PTPRD: variants seen among roughly 807,000 people sequenced by gnomAD.
PTPRD encodes the protein receptor-type tyrosine-protein phosphatase delta.
Under a neutral mutation model 214.5 loss-of-function variants are expected in PTPRD, and 34 were observed. That is an observed-to-expected ratio of 0.16 (90% CI 0.12 to 0.21). PTPRD has a LOEUF of 0.21. PTPRD is among the 10% of genes least tolerant of loss of function. PTPRD has a pLI of 1.00. For missense variants in PTPRD, 2,545 were observed against 2,398.7 expected (o/e 1.06, Z -1.27); for synonymous variants, 1,128 against 845.7 (o/e 1.33, Z -5.79).
At chr9:10,146,147 A>G (rs2099020826) in intron 3 of PTPRD, among the ~76,000 whole-genome samples, 1 of 88,920 alleles carries the variant, frequency 1.1e-5, no homozygotes, top group Non-Finnish European at 2.6e-5. Flanking sequence ...AAGTGAAATC[A>G]TCCATATATA....
intron 7 of PTPRD, among the ~76,000 whole-genome samples, chr9:9,677,598 C>G (rs1594973948): frequency 6.6e-6 from 1 of 152,006 alleles, no homozygotes; most frequent in African/African-American, 2.4e-5. Flanking sequence ...TATGACAAAC[C>G]CACAGCCAGT....
intron 3 of PTPRD, among the ~76,000 whole-genome samples, chr9:10,054,978 T>C (rs959432925): frequency 2.7e-5 from 4 of 149,494 alleles, no homozygotes; most frequent in African/African-American, 7.3e-5. Context: ...TTCGTGTCCA[T>C]ATTAAAAGAA....
intron 9 of PTPRD, among the ~76,000 whole-genome samples, chr9:9,294,301 G>A (rs1952233135): frequency 6.6e-6 from 1 of 151,658 alleles, no homozygotes; most frequent in South Asian, 2.1e-4. Context: ...GAGGAGTACT[G>A]TACACTAACC....
intron 3 of PTPRD, among the ~76,000 whole-genome samples, chr9:10,171,680 A>G (rs1215477286): frequency 6.6e-6 from 1 of 151,962 alleles, no homozygotes; most frequent in African/African-American, 2.4e-5. Flanking sequence ...GCCCGCTACC[A>G]CGCCCGGCTA....
intron 7 of PTPRD, among the ~76,000 whole-genome samples, chr9:9,724,231 G>C (rs1468946355): frequency 6.6e-6 from 1 of 152,020 alleles, no homozygotes; most frequent in Non-Finnish European, 1.5e-5. Context: ...CAATGTACCT[G>C]TTCTTTTTTA....
intron 10 of PTPRD, among the ~76,000 whole-genome samples, chr9:9,180,926 T>C (rs2099927830): frequency 6.6e-6 from 1 of 152,104 alleles, no homozygotes. Context: ...GGTAGATTTC[T>C]TAAGTGGCAA....
intron 12 of PTPRD, among the ~76,000 whole-genome samples, chr9:8,719,817 G>A (rs762816343): frequency 6.6e-6 from 1 of 151,366 alleles, no homozygotes; most frequent in Non-Finnish European, 1.5e-5. Context: ...TAGGGCTTTA[G>A]CTAATGTATA....
At chr9:9,633,858 T>C (rs1056600796) in intron 7 of PTPRD, among the ~76,000 whole-genome samples, 12 of 152,120 alleles carry the variant, frequency 7.9e-5, no homozygotes, top group African/African-American at 2.7e-4. Flanking sequence ...ATCATTAACA[T>C]AAATAGATTG....
rs566124417 is a variant in PTPRD, at chr9:8,688,497, A to G, written c.64+45283T>C. On this transcript the variant is annotated intron_variant, in intron 12 of 45. Coordinates refer to ENST00000381196, the MANE Select transcript of PTPRD (RefSeq NM_002839.4). Reference sequence around the variant, plus strand: ...GGAGAATGGCATGAACCCAGGAGGCAGAGCTTGCAGTGAGCCGAGATCGCA... The same window carrying G: ...GGAGAATGGCATGAACCCAGGAGGCGGAGCTTGCAGTGAGCCGAGATCGCA... 9.2e-5 allele frequency among the ~76,000 whole-genome samples: 14 copies of G among 151,758 alleles called. No individual in the cohort carries two copies. The South Asian group carries it at 2.1e-3, about 23-fold the overall frequency.
intron 5 of PTPRD, among the ~76,000 whole-genome samples, chr9:9,798,517 G>C (rs2153499137): frequency 6.6e-6 from 1 of 152,270 alleles, no homozygotes; most frequent in South Asian, 2.1e-4. Flanking sequence ...TCCAAGGATA[G>C]GGAAGGGACT....
intron 12 of PTPRD, among the ~76,000 whole-genome samples, chr9:8,720,123 C>T (rs1336319060): frequency 6.6e-6 from 1 of 152,202 alleles, no homozygotes; most frequent in East Asian, 1.9e-4. Flanking sequence ...CCCATGTGGT[C>T]ACTCATATGG....
At chr9:9,320,484 A>T (rs1965929861) in intron 9 of PTPRD, among the ~76,000 whole-genome samples, 1 of 152,178 alleles carries the variant, frequency 6.6e-6, no homozygotes, top group Admixed American at 6.5e-5. Flanking sequence ...AAAACTAAAT[A>T]TTGTTATAAA....
intron 4 of PTPRD, among the ~76,000 whole-genome samples, chr9:9,999,622 T>C (rs568250815): frequency 1.1e-4 from 17 of 152,340 alleles, no homozygotes; most frequent in Admixed American, 9.8e-4. Flanking sequence ...GTCACGCTAC[T>C]ATTTGCAATA....
At chr9:8,532,497 CAGGAAAA>C (rs1384240904) in intron 14 of PTPRD, among the ~76,000 whole-genome samples, 3 of 151,994 alleles carry the variant, frequency 2.0e-5, no homozygotes, top group African/African-American at 7.2e-5. Context: ...CAAACTTTCA[CAGGAAAA>C]AGCAGCTAGC....
rs374064392 is a variant in PTPRD at position 8,316,230 on chromosome 9, T to C, written c.*1644A>G. 5 of 229,916 alleles carry C rather than the reference T, an allele frequency of 2.2e-5. No homozygotes were observed. Among genetic ancestry groups the C allele is most frequent in the East Asian group, 1.2e-4 (2 of 16,136 alleles). The allele number at this position is 229,916 out of a possible 1,614,324, so 14.2% of individuals were successfully genotyped here. A position where few individuals can be genotyped will look rare whatever the true frequency, so the allele number is the denominator to read the frequency against. ...ATGCATATTATTCAAAGAGTTTTTGTACATGTGGTAAACAGATAATGCTTT... is the reference window on the plus strand; with the variant it reads ...ATGCATATTATTCAAAGAGTTTTTGCACATGTGGTAAACAGATAATGCTTT... On this transcript the variant is annotated 3_prime_UTR_variant, in exon 46 of 46. Transcript: ENST00000381196.
chr9:8,411,965 T>C (rs559401995), intron 35 of PTPRD, among the ~76,000 whole-genome samples: 3 of 152,334 alleles, frequency 2.0e-5, no homozygotes, highest in Admixed American at 1.3e-4. Context: ...TCCAGGCAGT[T>C]TGGGGCAAGC....
chr9:10,290,953 T>C (rs1054194667), intron 3 of PTPRD, among the ~76,000 whole-genome samples: 4 of 152,044 alleles, frequency 2.6e-5, no homozygotes, highest in African/African-American at 9.7e-5. Flanking sequence ...GTTTGTTGTT[T>C]AGCTAATATT....
intron 3 of PTPRD, among the ~76,000 whole-genome samples, chr9:10,092,374 TCCATTAATTATACAGCTGCCC>T (rs760851553): frequency 6.6e-6 from 1 of 151,302 alleles, no homozygotes; most frequent in Non-Finnish European, 1.5e-5. Context: ...TGTAGACCAA[TCCATTAATTATACAGCTGCCC>T]CCAAACACTC....
intron 8 of PTPRD, among the ~76,000 whole-genome samples, chr9:9,398,928 G>A (rs2069020643): frequency 6.6e-6 from 1 of 151,894 alleles, no homozygotes; most frequent in Non-Finnish European, 1.5e-5. Context: ...TATACTCCTA[G>A]CCAACTATGC....
Sources: allele counts gnomAD v4.1 joint callset (sites outside exome capture counted in the v4.1 genomes callset), GRCh38; gene constraint gnomAD v4.1.1; transcripts MANE v1.5; gene names NCBI Gene and HGNC (gene_info 2026-07-23, HGNC 2026-07-21).